RAP1GAP2: variants seen among roughly 807,000 people sequenced by gnomAD.
The protein encoded by RAP1GAP2 is RAP1 GTPase activating protein 2.
In RAP1GAP2, 27 loss-of-function variants were observed where a neutral mutation model predicts 95.0. The observed-to-expected ratio is 0.28, with a 90% CI of 0.21 to 0.39. The LOEUF is 0.39. Among genes scored for constraint, RAP1GAP2 ranks in the 10% least tolerant of loss-of-function variants. The probability of loss-of-function intolerance (pLI) is 1.00; values close to 1 mark genes in which losing one functional copy is unlikely to be tolerated. For missense variants in RAP1GAP2, 771 were observed against 970.0 expected (o/e 0.79, Z 2.72); for synonymous variants, 373 against 380.9 (o/e 0.98, Z 0.24).
intron 3 of RAP1GAP2, among the ~76,000 whole-genome samples, chr17:2,922,060 G>T (rs1049983459): frequency 2.0e-5 from 3 of 152,202 alleles, no homozygotes; most frequent in African/African-American, 7.2e-5. Context: ...AAATACCTTA[G>T]ACTGGGTAAT....
chr17:2,795,660 G>A (rs1389899311), upstream of RAP1GAP2, among the ~76,000 whole-genome samples: 1 of 152,214 alleles, frequency 6.6e-6, no homozygotes, highest in East Asian at 1.9e-4. Flanking sequence ...GCCCCTTGCA[G>A]TGTGATGTGG....
At chr17:2,814,417 GT>G (rs1567672252) in intron 2 of RAP1GAP2, among the ~76,000 whole-genome samples, 1 of 152,110 alleles carries the variant, frequency 6.6e-6, no homozygotes. Context: ...CAGCATCAGG[GT>G]CACAACCTGC....
chr17:2,844,351 C>CT (rs749152945), intron 2 of RAP1GAP2, among the ~76,000 whole-genome samples: 2 of 152,076 alleles, frequency 1.3e-5, no homozygotes, highest in African/African-American at 2.4e-5. Flanking sequence ...TGCTTTGGGA[C>CT]TTGGAGGGTT....
intron 11 of RAP1GAP2, among the ~76,000 whole-genome samples, chr17:2,987,365 T>C (rs2045590685): frequency 6.6e-6 from 1 of 152,214 alleles, no homozygotes; most frequent in Admixed American, 6.5e-5. Flanking sequence ...TTTTTTATTT[T>C]TATTTTTATT....
intron 11 of RAP1GAP2, among the ~76,000 whole-genome samples, chr17:2,989,859 C>T (rs1454596519): frequency 6.6e-6 from 1 of 151,918 alleles, no homozygotes; most frequent in Non-Finnish European, 1.5e-5. Context: ...ATTTTCATCA[C>T]CCCCAAAAGA....
At chr17:2,887,443 C>T (rs1263485313) in intron 2 of RAP1GAP2, among the ~76,000 whole-genome samples, 2 of 150,084 alleles carry the variant, frequency 1.3e-5, no homozygotes, top group African/African-American at 2.5e-5. Flanking sequence ...GGCGTGATCT[C>T]GGCTCACTAC....
intron 2 of RAP1GAP2, among the ~76,000 whole-genome samples, chr17:2,881,744 C>T (rs559939911): frequency 1.1e-4 from 17 of 152,202 alleles, no homozygotes; most frequent in African/African-American, 2.9e-4. Flanking sequence ...TTCTTGATAA[C>T]GTTTATTGTT....
intron 2 of RAP1GAP2, among the ~76,000 whole-genome samples, chr17:2,811,770 G>A (rs574812314): frequency 6.6e-6 from 1 of 152,142 alleles, no homozygotes; most frequent in Admixed American, 6.5e-5. Context: ...GTAGAGACAG[G>A]GTTTCACCAC....
chr17:3,010,265 G>A (rs1248877496), intron 17 of RAP1GAP2, among the ~76,000 whole-genome samples: 4 of 150,454 alleles, frequency 2.7e-5, no homozygotes, highest in Admixed American at 6.6e-5. Context: ...ACGTGAACCC[G>A]GGAGGCGGAG....
At chr17:2,925,167 T>G (rs1231689649) in intron 3 of RAP1GAP2, among the ~76,000 whole-genome samples, 1 of 152,170 alleles carries the variant, frequency 6.6e-6, no homozygotes, top group African/African-American at 2.4e-5. Context: ...ACCGGGAAGA[T>G]GTGATCTCTG....
Position 3,036,741 on chromosome 17 carries a change from A to T in RAP1GAP2, c.*3380A>T, listed in dbSNP as rs948436032. ...TAAGAGGAAAAGTGGTCAAAGAAAA[A>T]CTCTTCATTTCTCCCTGATTCTTAA... On this transcript the variant is annotated 3_prime_UTR_variant, in exon 25 of 25. Coordinates refer to ENST00000254695, the MANE Select transcript of RAP1GAP2 (RefSeq NM_015085.5). 6.6e-6 allele frequency: 1 copy of T among 151,800 alleles called. No individual in the cohort carries two copies. The highest frequency in any genetic ancestry group is 1.5e-5 in the Non-Finnish European group (1 of 67,868). The allele number at this position is 151,800 out of a possible 1,614,324, so 9.4% of individuals were successfully genotyped here. A position where few individuals can be genotyped will look rare whatever the true frequency, so the allele number is the denominator to read the frequency against.
chr17:2,846,849 G>A (rs902083828), intron 2 of RAP1GAP2, among the ~76,000 whole-genome samples: 1 of 152,172 alleles, frequency 6.6e-6, no homozygotes, highest in Non-Finnish European at 1.5e-5. Context: ...CACCACAGCT[G>A]TTTGGGGCCA....
exon 2 of RAP1GAP2, chr17:2,770,367 C>T (rs551536973): frequency 6.0e-5 from 24 of 398,690 alleles, no homozygotes; most frequent in Non-Finnish European, 8.0e-5. Flanking sequence ...GAGGAGAGGA[C>T]GCTGACAGCC....
At chr17:3,021,876 C>T (rs372312259) in intron 19 of RAP1GAP2, among the ~76,000 whole-genome samples, 26 of 152,280 alleles carry the variant, frequency 1.7e-4, no homozygotes, top group African/African-American at 4.8e-4. Context: ...TTTCCTTATC[C>T]GCTTATCTGT....
At chr17:3,021,460 A>G (rs2046957755) in intron 19 of RAP1GAP2, among the ~76,000 whole-genome samples, 2 of 126,428 alleles carry the variant, frequency 1.6e-5, no homozygotes, top group African/African-American at 3.1e-5. Context: ...TTTTTTTGAG[A>G]CAGAGTCTCT....
rs555956657 is a variant in RAP1GAP2 at position 2,951,432 on chromosome 17, G to A, written c.166-6327G>A. Among the ~76,000 whole-genome samples the A allele has an allele frequency of 4.6e-5, 7 of 152,250 alleles. No individual in the cohort carries two copies. In the South Asian group the frequency reaches 1.0e-3, roughly 23 times the overall value. ...TTGATGCTTCTCTCTTCAAGAGGTCGAACTTGTTGTGTGCGGTGGCTCACA... is the reference window on the plus strand; with the variant it reads ...TTGATGCTTCTCTCTTCAAGAGGTCAAACTTGTTGTGTGCGGTGGCTCACA... On this transcript the variant is annotated intron_variant, in intron 3 of 24. Transcript: ENST00000254695.
intron 1 of RAP1GAP2, among the ~76,000 whole-genome samples, chr17:2,790,933 C>T (rs1045882992): frequency 2.6e-5 from 4 of 152,194 alleles, no homozygotes; most frequent in African/African-American, 9.6e-5. Context: ...CTGCGAGCGC[C>T]GTGGCTCACG....
chr17:2,869,459 A>C (rs2072754078), intron 2 of RAP1GAP2, among the ~76,000 whole-genome samples: 1 of 152,088 alleles, frequency 6.6e-6, no homozygotes, highest in Non-Finnish European at 1.5e-5. Context: ...AAACCTAAAC[A>C]AACTTTATGC....
At position 2,995,439 on chromosome 17, in the gene RAP1GAP2, G is replaced by T. The variant is rs1307919160; in HGVS notation, c.1017G>T (p.Leu339=). The T allele has an allele frequency of 1.9e-6, 3 of 1,613,830 alleles. No individual in the cohort carries two copies. In the African/African-American group the frequency reaches 4.0e-5, roughly 22 times the overall value. ...REIMFHVSTK[L]PFTDGDAQQL... ...TCATGTTTCACGTTTCCACAAAGCT[G>T]CCATTTACCGACGGAGACGCCCAGC... is the stretch of plus-strand genomic sequence containing the variant. The change falls in exon 13 of 25, where the codon CTG becomes CTT. Residue 339 remains leucine, a synonymous_variant. Transcript: ENST00000254695.
Sources: gnomAD v4.1 joint callset for allele counts (sites outside exome capture counted in the v4.1 genomes callset) on GRCh38, gnomAD v4.1.1 for gene constraint, MANE v1.5 for transcripts, NCBI Gene and HGNC (gene_info 2026-07-23, HGNC 2026-07-21) for gene names.